Variants in MAPK7 observed in about 807,000 individuals in gnomAD.
MAPK7 encodes mitogen-activated protein kinase 7, also known as BMK-1.
A neutral mutation model predicts 56.9 loss-of-function variants in MAPK7; 30 were observed. The ratio of observed to expected loss-of-function variants is 0.53; its 90% confidence interval spans 0.39 to 0.72. The LOEUF is 0.72. MAPK7 is among the 30% of genes least tolerant of loss of function. The pLI, the probability that MAPK7 is intolerant of heterozygous loss-of-function variation, is 0.00. For missense variants in MAPK7, 952 were observed against 1,110.8 expected, an observed-to-expected ratio of 0.86 and a Z score of 2.03; for synonymous variants, 516 against 449.3, an observed-to-expected ratio of 1.15 and a Z score of -1.88.
In MAPK7 at chr17:19,378,717, C is replaced by T; in HGVS notation, c.-6+87C>T. 7.2e-7 allele frequency: 1 copy of T among 1,383,050 alleles called. No individual in the cohort carries two copies. The highest frequency in any genetic ancestry group is 9.4e-7 in the Non-Finnish European group (1 of 1,059,772). 85.7% of individuals were successfully genotyped at this position (1,383,050 alleles called of 1,614,324 possible). On this transcript the variant is annotated intron_variant, in intron 1 of 6. Transcript: ENST00000395604. The surrounding 1 kb of genome is among the most constrained non-coding windows in gnomAD (Gnocchi z 5.4). The stretch of plus-strand genomic sequence containing the variant: ...TCGCCTACCCCTCCCCCGACCCTGG[C>T]GGGCCCCCGGCTCTGGGCCCGGACC...
Position 19,383,147 on chromosome 17 carries a change from T to A in MAPK7, c.2367T>A (p.Pro789=). ...ADWLEGHGMN[P]ADIESLQREI... is the part of the protein sequence containing the mutation. ...GGCTCGAAGGCCATGGCATGAACCCTGCCGATATTGAGTCCCTGCAGCGTG... is the reference window on the plus strand; with the variant it reads ...GGCTCGAAGGCCATGGCATGAACCCAGCCGATATTGAGTCCCTGCAGCGTG... Residue 789 remains proline (P), a synonymous_variant, in exon 7 of 7, where the codon CCT becomes CCA. Transcript: ENST00000395604. The A allele has an allele frequency of 6.2e-7, 1 of 1,614,146 alleles. No individual in the cohort carries two copies.
At position 19,381,246 on chromosome 17, in the gene MAPK7, T is replaced by C. The variant is rs1268483719; in HGVS notation, c.1037T>C (p.Phe346Ser). The change falls in exon 4 of 7, where the codon TTC becomes TCC. Residue 346 changes from phenylalanine (F) to serine (S), a missense_variant. By Grantham distance (155) the Phe-to-Ser change is radical. Transcript: ENST00000395604. This position sits in a 1 kb window ranked among gnomAD's most constrained non-coding sequence, Gnocchi z 4.6. ...GCAGCTGCTGCCCTTCGCCACCCTTTCCTGGCCAAGTACCATGATCCTGAT... is the reference window on the plus strand; with the variant it reads ...GCAGCTGCTGCCCTTCGCCACCCTTCCCTGGCCAAGTACCATGATCCTGAT... ...ISAAAALRHP[F>S]LAKYHDPDDE... 1.2e-6 allele frequency: 2 copies of C among 1,613,966 alleles called. No individual in the cohort carries two copies. Among genetic ancestry groups the C allele is most frequent in the African/African-American group, 1.3e-5 (1 of 74,940 alleles).
In MAPK7 at chr17:19,380,527, G is replaced by A. The variant is rs142968928; in HGVS notation, c.399-81G>A. ...GTAAGGCTGTTACCTGTCTGGAATC[G>A]GAAGGGTGTGGTGAGGATGGGGCTT... On this transcript the variant is annotated intron_variant, in intron 3 of 6. Transcript: ENST00000395604. 135 of 1,507,862 alleles carry A rather than the reference G, an allele frequency of 9.0e-5. 1 individual carries two copies. The East Asian group carries it at 1.3e-3, about 15-fold the overall frequency. 93.4% of individuals were successfully genotyped at this position (1,507,862 alleles called of 1,614,324 possible). A position where few individuals can be genotyped will look rare whatever the true frequency, so the allele number is the denominator to read the frequency against.
chr17:19,378,802 A>T lies in MAPK7; in HGVS notation c.-5-94A>T. The T allele has an allele frequency of 7.6e-7, 1 of 1,323,790 alleles. No individual in the cohort carries two copies. The highest frequency in any genetic ancestry group is 1.0e-6 in the Non-Finnish European group (1 of 981,608). The allele number at this position is 1,323,790 out of a possible 1,614,324, so 82.0% of individuals were successfully genotyped here. ...CGCTTCTGCCCTTGTCGGTTTAGGA[A>T]ACTGGGAAGTTCCCTGGTCCTGCTC... is the stretch of plus-strand genomic sequence containing the variant. On this transcript the variant is annotated intron_variant, in intron 1 of 6. Coordinates refer to ENST00000395604, the MANE Select transcript of MAPK7 (RefSeq NM_002749.4). The surrounding 1 kb of genome is among the most constrained non-coding windows in gnomAD (Gnocchi z 5.4).
Position 19,378,588 on chromosome 17 carries a change from C to T in MAPK7, c.-48C>T. ...GACCCCCGCGCTGGGGACGGGAGGCCGGCGAGCCTCGGGACCTCTGAAAGC... is the reference window on the plus strand; with the variant it reads ...GACCCCCGCGCTGGGGACGGGAGGCTGGCGAGCCTCGGGACCTCTGAAAGC... On this transcript the variant is annotated 5_prime_UTR_variant, in exon 1 of 7. Transcript: ENST00000395604. The surrounding 1 kb of genome is among the most constrained non-coding windows in gnomAD (Gnocchi z 5.4). The T allele has an allele frequency of 8.1e-7, 1 of 1,239,074 alleles. No homozygotes were observed. Among genetic ancestry groups the T allele is most frequent in the African/African-American group, 1.6e-5 (1 of 63,970 alleles). The allele number at this position is 1,239,074 out of a possible 1,614,324, so 76.8% of individuals were successfully genotyped here.
At chr17:19,382,511 A>G (rs760716940) in intron 5 of MAPK7, 45 bp downstream of exon 5, 7 of 1,528,264 alleles carry the variant, frequency 4.6e-6, no homozygotes, top group Non-Finnish European at 6.1e-6. Context: ...GTCTGGGCCA[A>G]AGGAAAATGG....
Position 19,383,473 on chromosome 17 carries a change from A to G in MAPK7, c.*242A>G. The G allele has an allele frequency of 1.4e-5, 5 of 351,980 alleles. No individual in the cohort carries two copies. The highest frequency in any genetic ancestry group is 2.0e-5 in the Non-Finnish European group (4 of 197,660). 21.8% of individuals were successfully genotyped at this position (351,980 alleles called of 1,614,324 possible). On this transcript the variant is annotated 3_prime_UTR_variant, in exon 7 of 7. Transcript: ENST00000395604. ...TCAGTATTATATTTTTATTATTATT[A>G]TGTTATTATTACACTGTCTTTTTGC...
At chr17:19,378,146 A>C (rs1479150828), upstream of MAPK7, 6 of 977,328 alleles carry the variant, frequency 6.1e-6, no homozygotes, top group South Asian at 2.8e-4. This position sits in a 1 kb window ranked among gnomAD's most constrained non-coding sequence, Gnocchi z 5.4. Flanking sequence ...CAGTTCCCCG[A>C]GCTCACGGGA....
At chr17:19,380,190 A>G (rs1912531645) in intron 3 of MAPK7, 2 of 558,534 alleles carry the variant, frequency 3.6e-6, no homozygotes, top group African/African-American at 1.9e-5. Context: ...GGACATTCCT[A>G]CTATGACCAC....
At position 19,381,864 on chromosome 17, in the gene MAPK7, C is replaced by A; in HGVS notation, c.1561C>A (p.Arg521=). 2 of 1,579,326 alleles carry A rather than the reference C, an allele frequency of 1.3e-6. No homozygotes were observed. Among genetic ancestry groups the A allele is most frequent in the South Asian group, 1.1e-5 (1 of 87,034 alleles). Residue 521 remains arginine (R), a synonymous_variant, in exon 5 of 7, where the codon CGG becomes AGG. Transcript: ENST00000395604. This position sits in a 1 kb window ranked among gnomAD's most constrained non-coding sequence, Gnocchi z 4.6. ...QERQREREEK[R]RRRQERAKER... ...GCGCCAGCGGGAGCGGGAGGAGAAG[C>A]GGCGGAGGCGGCAAGAACGAGCCAA...
In MAPK7 at chr17:19,378,788, T is replaced by G; in HGVS notation, c.-5-108T>G. ...ACGAACCAGCCGCGCGCTTCTGCCC[T>G]TGTCGGTTTAGGAAACTGGGAAGTT... On this transcript the variant is annotated intron_variant, in intron 1 of 6. Transcript: ENST00000395604. This position sits in a 1 kb window ranked among gnomAD's most constrained non-coding sequence, Gnocchi z 5.4. 7.6e-7 allele frequency: 1 copy of G among 1,308,640 alleles called. No individual in the cohort carries two copies. Among genetic ancestry groups the G allele is most frequent in the Non-Finnish European group, 1.0e-6 (1 of 974,910 alleles). The allele number at this position is 1,308,640 out of a possible 1,614,324, so 81.1% of individuals were successfully genotyped here.
At position 19,381,906 on chromosome 17, in the gene MAPK7, C is replaced by T; in HGVS notation, c.1603C>T (p.Arg535Trp). 5 of 1,556,696 alleles carry T rather than the reference C, an allele frequency of 3.2e-6. No individual in the cohort carries two copies. The highest frequency in any genetic ancestry group is 1.2e-5 in the South Asian group (1 of 84,782). Reference sequence around the variant, plus strand: ...ACGAGCCAAGGAGCGGGAGAAACGGCGGCAGGAGCGGGAGCGAAAGGAACG... The same window carrying T: ...ACGAGCCAAGGAGCGGGAGAAACGGTGGCAGGAGCGGGAGCGAAAGGAACG... ...QERAKEREKR[R>W]QERERKERGA... The change falls in exon 5 of 7, where the codon CGG becomes TGG. Residue 535 changes from arginine (R) to tryptophan (W), a missense_variant. Transcript: ENST00000395604. The surrounding 1 kb of genome is among the most constrained non-coding windows in gnomAD (Gnocchi z 4.6).
rs1448176920 is a variant in MAPK7, at chr17:19,381,895, G to A, written c.1592G>A (p.Arg531Gln). 1.9e-6 allele frequency: 3 copies of A among 1,563,704 alleles called. No individual in the cohort carries two copies. The highest frequency in any genetic ancestry group is 2.6e-6 in the Non-Finnish European group (3 of 1,153,844). ...RRRRQERAKE[R>Q]EKRRQERERK... The stretch of plus-strand genomic sequence containing the variant: ...AGGCGGCAAGAACGAGCCAAGGAGC[G>A]GGAGAAACGGCGGCAGGAGCGGGAG... Residue 531 changes from arginine (R) to glutamine (Q), a missense_variant, in exon 5 of 7, where the codon CGG becomes CAG. Around this residue, in one of 5 missense-constraint regions of MAPK7, gnomAD observed 429 missense variants for 533.0 expected, o/e 0.80. Coordinates refer to ENST00000395604, the MANE Select transcript of MAPK7 (RefSeq NM_002749.4). This position sits in a 1 kb window ranked among gnomAD's most constrained non-coding sequence, Gnocchi z 4.6.
Position 19,380,962 on chromosome 17 carries a change from C to T in MAPK7, c.753C>T (p.Ile251=). The change falls in exon 4 of 7, where the codon ATC becomes ATT. Residue 251 remains isoleucine, a synonymous_variant. Coordinates refer to ENST00000395604, the MANE Select transcript of MAPK7 (RefSeq NM_002749.4). ...QAIDLWSVGC[I]FGEMLARRQL... ...TTGACCTCTGGTCTGTGGGCTGCAT[C>T]TTTGGTGAGATGCTGGCCCGGCGCC... 6.2e-7 allele frequency: 1 copy of T among 1,614,192 alleles called. No individual in the cohort carries two copies. The highest frequency in any genetic ancestry group is 1.1e-5 in the South Asian group (1 of 91,086).
intron 3 of MAPK7, 160 bp from the exon 4 acceptor site, chr17:19,380,448 A>G (rs1443420398): frequency 2.8e-6 from 4 of 1,416,666 alleles, no homozygotes; most frequent in East Asian, 5.1e-5. Flanking sequence ...TAGAGAATCT[A>G]AAACGTGATG....
At position 19,382,950 on chromosome 17, in the gene MAPK7, A is replaced by T. The variant is rs367889630; in HGVS notation, c.2297+4A>T. ...TGGCTGATGGGCCACAGGATGGGTA[A>T]GGTGGCTGGACTGAGCTCCTAGACT... On this transcript the variant is annotated splice_donor_region_variant and intron_variant, in intron 6 of 6. Coordinates refer to ENST00000395604, the MANE Select transcript of MAPK7 (RefSeq NM_002749.4). 4.2e-5 allele frequency: 67 copies of T among 1,614,064 alleles called. No individual in the cohort carries two copies. The highest frequency in any genetic ancestry group is 5.3e-5 in the Non-Finnish European group (62 of 1,180,004).
upstream of MAPK7, chr17:19,378,014 G>T: frequency 1.0e-6 from 1 of 985,340 alleles, no homozygotes; most frequent in Non-Finnish European, 1.2e-6. The surrounding 1 kb of genome is among the most constrained non-coding windows in gnomAD (Gnocchi z 5.4). Flanking sequence ...CTCTACCGGG[G>T]ATGACACATT....
intron 3 of MAPK7, 171 bp downstream of exon 3, chr17:19,380,118 CAAG>C: frequency 1.5e-6 from 1 of 684,246 alleles, no homozygotes; most frequent in East Asian, 2.7e-5. Context: ...TGTTATTCCT[CAAG>C]AAGTGTACAG....
In MAPK7 at chr17:19,383,126, C is replaced by T. The variant is rs368692655; in HGVS notation, c.2346C>T (p.Leu782=). Residue 782 remains leucine (L), a synonymous_variant, in exon 7 of 7, where the codon CTC becomes CTT. Transcript: ENST00000395604. ...CAGCCTCCCTGCTTGCTGACTGGCT[C>T]GAAGGCCATGGCATGAACCCTGCCG... ...SLSASLLADW[L]EGHGMNPADI... 12 of 1,613,958 alleles carry T rather than the reference C, an allele frequency of 7.4e-6. No individual in the cohort carries two copies. The highest frequency in any genetic ancestry group is 6.7e-5 in the African/African-American group (5 of 74,894).
Sources: gnomAD v4.1 joint callset for allele counts on GRCh38, gnomAD v4.1.1 for gene constraint, gnomAD v4.1.1 regional missense constraint, Gnocchi (gnomAD v3.1) non-coding constraint, MANE v1.5 for transcripts, NCBI Gene and HGNC (gene_info 2026-07-23, HGNC 2026-07-21) for gene names.